Variants in RBFOX1 observed in about 807,000 individuals in gnomAD.
The protein encoded by RBFOX1 is RNA binding protein fox-1 homolog 1.
In RBFOX1, 8 loss-of-function variants were observed where a neutral mutation model predicts 57.7. The observed-to-expected ratio is 0.14, with a 90% confidence interval of 0.08 to 0.25. RBFOX1 has a LOEUF of 0.25. Among genes scored for constraint, RBFOX1 ranks in the 10% least tolerant of loss-of-function variants. RBFOX1 has a pLI of 1.00. For missense variants in RBFOX1, 611 were observed against 548.5 expected (o/e 1.11, Z -1.14); for synonymous variants, 326 against 222.4 (o/e 1.47, Z -4.15).
chr16:6,725,199 C>T (rs1050911423), intron 3 of RBFOX1, among the ~76,000 whole-genome samples: 13 of 151,944 alleles, frequency 8.6e-5, no homozygotes, highest in African/African-American at 2.9e-4. Context: ...TGCAGGCACC[C>T]GCCACCATGC....
At chr16:7,194,844 C>T (rs1172427873) in intron 4 of RBFOX1, among the ~76,000 whole-genome samples, 1 of 150,114 alleles carries the variant, frequency 6.7e-6, no homozygotes, top group Non-Finnish European at 1.5e-5. Context: ...GGGAGGATTG[C>T]TTAAGCCTGG....
intron 3 of RBFOX1, among the ~76,000 whole-genome samples, chr16:6,675,241 T>A (rs1289167146): frequency 6.6e-6 from 1 of 152,206 alleles, no homozygotes; most frequent in African/African-American, 2.4e-5. Flanking sequence ...TTGTGGTGAT[T>A]TGTTGCACCA....
intron 3 of RBFOX1, among the ~76,000 whole-genome samples, chr16:6,693,842 T>C (rs1424082080): frequency 1.3e-5 from 2 of 152,210 alleles, no homozygotes; most frequent in Non-Finnish European, 2.9e-5. Flanking sequence ...ACCACCATCA[T>C]CCTTATTCAG....
intron 1 of RBFOX1, among the ~76,000 whole-genome samples, chr16:5,272,169 C>T (rs1424059025): frequency 6.6e-6 from 1 of 152,086 alleles, no homozygotes; most frequent in Admixed American, 6.6e-5. Context: ...AGCAGCGTGA[C>T]TATAGTCAAT....
At chr16:7,076,740 G>A (rs1341944234) in intron 4 of RBFOX1, among the ~76,000 whole-genome samples, 3 of 152,112 alleles carry the variant, frequency 2.0e-5, no homozygotes, top group Admixed American at 1.3e-4. Flanking sequence ...ACTCGTAACA[G>A]TGTATGCATA....
chr16:7,058,872 C>T (rs1218046532), intron 4 of RBFOX1, among the ~76,000 whole-genome samples: 3 of 152,056 alleles, frequency 2.0e-5, no homozygotes, highest in African/African-American at 7.2e-5. Flanking sequence ...TAAATATTAA[C>T]TTCATAATGT....
chr16:5,388,510 G>A (rs540222421), intron 1 of RBFOX1, among the ~76,000 whole-genome samples: 1 of 152,234 alleles, frequency 6.6e-6, no homozygotes, highest in Admixed American at 6.5e-5. Context: ...CATACTGTGA[G>A]CTGGATTTGG....
At chr16:6,568,142 T>G (rs969831240) in intron 2 of RBFOX1, among the ~76,000 whole-genome samples, 5 of 152,198 alleles carry the variant, frequency 3.3e-5, no homozygotes, top group Non-Finnish European at 5.9e-5. Context: ...AACAAATTAC[T>G]CCCAAAGTTA....
At chr16:5,498,187 G>A (rs2043066748) in intron 2 of RBFOX1, among the ~76,000 whole-genome samples, 1 of 152,182 alleles carries the variant, frequency 6.6e-6, no homozygotes, top group Admixed American at 6.5e-5. Context: ...TTGTTGCCCA[G>A]GCTGGAGTGC....
intron 9 of RBFOX1, among the ~76,000 whole-genome samples, chr16:7,602,644 C>T (rs773904639): frequency 6.6e-6 from 1 of 152,262 alleles, no homozygotes; most frequent in African/African-American, 2.4e-5. Flanking sequence ...GGTTCATTTG[C>T]ATGTGATTTG....
chr16:5,770,001 AGAGGGTG>A, intron 3 of RBFOX1, among the ~76,000 whole-genome samples: 1 of 152,314 alleles, frequency 6.6e-6, no homozygotes, highest in South Asian at 2.1e-4. Flanking sequence ...GAGAGGTTAC[AGAGGGTG>A]GAGGCAGATA....
At chr16:7,334,251 T>G (rs1057357092) in intron 4 of RBFOX1, among the ~76,000 whole-genome samples, 10 of 152,162 alleles carry the variant, frequency 6.6e-5, no homozygotes, top group Admixed American at 6.5e-4. Context: ...TTCCTCTGTT[T>G]GGAAGCTTTT....
intron 3 of RBFOX1, among the ~76,000 whole-genome samples, chr16:6,973,487 T>C (rs2086058361): frequency 6.6e-6 from 1 of 152,224 alleles, no homozygotes; most frequent in South Asian, 2.1e-4. Context: ...CTAGGAATTT[T>C]CTTTTGCTGA....
chr16:6,285,640 C>A (rs985428281), intron 1 of RBFOX1, among the ~76,000 whole-genome samples: 1 of 152,196 alleles, frequency 6.6e-6, no homozygotes, highest in Admixed American at 6.5e-5. Context: ...TGTAAATGAC[C>A]ATCACGTTGG....
chr16:6,912,622 C>A (rs544124102), intron 3 of RBFOX1, among the ~76,000 whole-genome samples: 1 of 74,768 alleles, frequency 1.3e-5, no homozygotes, highest in East Asian at 8.4e-4. Flanking sequence ...TGTGTTATTA[C>A]TATTTTTTTT....
intron 4 of RBFOX1, among the ~76,000 whole-genome samples, chr16:7,125,831 C>G (rs542912315): frequency 6.6e-6 from 1 of 152,190 alleles, no homozygotes; most frequent in Non-Finnish European, 1.5e-5. Context: ...ACCTGTAATC[C>G]CAGCACTTTG....
At chr16:5,856,612 G>T (rs1398792069) in intron 3 of RBFOX1, among the ~76,000 whole-genome samples, 1 of 52,496 alleles carries the variant, frequency 1.9e-5, no homozygotes, top group African/African-American at 7.0e-5. Flanking sequence ...TATAATCTTA[G>T]CCAGATCTTC....
intron 2 of RBFOX1, chr16:6,483,822 T>A: frequency 7.5e-7 from 1 of 1,340,082 alleles, no homozygotes; most frequent in South Asian, 1.7e-5. Flanking sequence ...GGCTGCTGAT[T>A]AGAATAGGGG....
At chr16:5,975,176 A>G (rs932653292) in intron 4 of RBFOX1, among the ~76,000 whole-genome samples, 7 of 152,114 alleles carry the variant, frequency 4.6e-5, no homozygotes, top group African/African-American at 1.7e-4. Context: ...ATAAATTCCA[A>G]CAGCCTAGCT....
Sources: gnomAD v4.1 joint callset for allele counts (sites outside exome capture counted in the v4.1 genomes callset) on GRCh38, gnomAD v4.1.1 for gene constraint, MANE v1.5 for transcripts, NCBI Gene and HGNC (gene_info 2026-07-23, HGNC 2026-07-21) for gene names.